The following LAMA2 variants were observed in gnomAD, a reference collection of about 807,000 sequenced individuals.
LAMA2 encodes laminin subunit alpha-2.
LAMA2 carries 269 observed loss-of-function variants against 364.8 expected under a neutral mutation model. That is an observed-to-expected ratio of 0.74 (90% CI 0.67 to 0.82). The LOEUF is 0.82. Among genes scored for constraint, LAMA2 ranks in the 40% least tolerant of loss-of-function variants. LAMA2 has a pLI of 0.00. For synonymous variants in LAMA2, 1,379 were observed against 1,370.6 expected (o/e 1.01, Z -0.14); for missense variants, 3,807 against 3,873.2 (o/e 0.98, Z 0.45).
intron 20 of LAMA2, among the ~76,000 whole-genome samples, chr6:129,296,026 CAT>C (rs1307891973): frequency 6.6e-6 from 1 of 151,718 alleles, no homozygotes; most frequent in East Asian, 1.9e-4. Context: ...TATATAGTTT[CAT>C]ATTTTTGTTT....
chr6:129,280,541 T>A (rs1023067433), intron 18 of LAMA2, among the ~76,000 whole-genome samples: 1 of 152,182 alleles, frequency 6.6e-6, no homozygotes, highest in African/African-American at 2.4e-5. Context: ...GCATAGTTCA[T>A]AGTTCAGCAA....
chr6:129,312,932 T>C lies in LAMA2; in HGVS notation c.3246T>C (p.His1082=). 6.2e-7 allele frequency: 1 copy of C among 1,614,176 alleles called. No individual in the cohort carries two copies. The highest frequency in any genetic ancestry group is 8.5e-7 in the Non-Finnish European group (1 of 1,180,016). The change falls in exon 23 of 65, where the codon CAT becomes CAC. Residue 1082 remains histidine (H), a synonymous_variant. Transcript: ENST00000421865. ...TAAATACAGGCCAATGCAACTGTCA[T>C]CCAAAATTCTCTGGTGCAAAATGTA... ...CNVNTGQCNC[H]PKFSGAKCTE...
In LAMA2 at chr6:129,448,139, T is replaced by C. The variant is rs537071963; in HGVS notation, c.6429+2318T>C. On this transcript the variant is annotated intron_variant, in intron 45 of 64. Coordinates refer to ENST00000421865, the MANE Select transcript of LAMA2 (RefSeq NM_000426.4). ...CACATCTCTACAAAAAATTGAAAAA[T>C]TACCTGGGCATGGTACATGCCTATA... Among the ~76,000 whole-genome samples, 194 of 151,872 alleles carry C rather than the reference T, an allele frequency of 1.3e-3. 1 individual carries two copies. Among genetic ancestry groups the C allele is most frequent in the African/African-American group, 4.4e-3 (182 of 41,412 alleles).
At chr6:129,416,904 G>A (rs1201577685) in intron 40 of LAMA2, among the ~76,000 whole-genome samples, 11 of 152,176 alleles carry the variant, frequency 7.2e-5, no homozygotes, top group Admixed American at 7.2e-4. Flanking sequence ...GGCTCTATGT[G>A]AGGCTGTGGC....
rs1777904599 is a variant in LAMA2, at chr6:128,911,153, G to A, written c.112+27796G>A. ...AGGCAGGCAGGCCTCCTTGAGCTGT[G>A]GTGGGCTACACCCAGTTCGAGCTTC... On this transcript the variant is annotated intron_variant, in intron 1 of 64. Transcript: ENST00000421865. 2.0e-5 allele frequency among the ~76,000 whole-genome samples: 3 copies of A among 152,228 alleles called. No individual in the cohort carries two copies. In the South Asian group the frequency reaches 6.2e-4, roughly 32 times the overall value.
At chr6:128,990,427 G>C (rs910212555) in intron 1 of LAMA2, among the ~76,000 whole-genome samples, 3 of 152,090 alleles carry the variant, frequency 2.0e-5, no homozygotes, top group Non-Finnish European at 4.4e-5. Context: ...CTTCAAATAC[G>C]AATATGCATT....
intron 4 of LAMA2, among the ~76,000 whole-genome samples, chr6:129,106,131 C>T (rs927083328): frequency 6.6e-5 from 10 of 151,846 alleles, no homozygotes; most frequent in African/African-American, 2.2e-4. Context: ...CCTGGAGAAA[C>T]CATCATTAAA....
At chr6:129,471,622 G>A (rs976096404) in intron 51 of LAMA2, among the ~76,000 whole-genome samples, 2 of 151,828 alleles carry the variant, frequency 1.3e-5, no homozygotes, top group Admixed American at 6.6e-5. Context: ...GAATGTATAT[G>A]AAAAAGTCTT....
intron 8 of LAMA2, among the ~76,000 whole-genome samples, chr6:129,162,466 T>G (rs918850432): frequency 2.0e-5 from 3 of 152,132 alleles, no homozygotes; most frequent in African/African-American, 7.2e-5. Flanking sequence ...AACATTTTTT[T>G]TTTGGTAGTG....
chr6:129,166,414 C>A (rs924298301), intron 9 of LAMA2, among the ~76,000 whole-genome samples: 1 of 152,064 alleles, frequency 6.6e-6, no homozygotes, highest in Admixed American at 6.6e-5. Flanking sequence ...GTGTTTTTTT[C>A]CCTAATGACT....
intron 1 of LAMA2, among the ~76,000 whole-genome samples, chr6:129,016,095 G>A (rs188064095): frequency 6.6e-6 from 1 of 152,112 alleles, no homozygotes; most frequent in African/African-American, 2.4e-5. Flanking sequence ...AACAGTTTAA[G>A]GTATCATCTA....
chr6:128,980,069 TA>T, intron 1 of LAMA2, among the ~76,000 whole-genome samples: 1 of 152,180 alleles, frequency 6.6e-6, no homozygotes, highest in East Asian at 1.9e-4. Context: ...AGGTTCATCA[TA>T]GTCAGCAGGG....
chr6:129,424,905 C>A (rs998938453), intron 40 of LAMA2, among the ~76,000 whole-genome samples: 3 of 151,930 alleles, frequency 2.0e-5, no homozygotes, highest in East Asian at 1.9e-4. Flanking sequence ...AATTTGTACA[C>A]AGATGTGTAC....
At chr6:129,131,633 C>G (rs771230032) in intron 4 of LAMA2, among the ~76,000 whole-genome samples, 45 of 152,166 alleles carry the variant, frequency 3.0e-4, no homozygotes, top group African/African-American at 1.1e-3. Flanking sequence ...TGGTGCTGTA[C>G]AGATGTCGAG....
At chr6:128,941,020 T>C (rs1467686189) in intron 1 of LAMA2, among the ~76,000 whole-genome samples, 1 of 152,110 alleles carries the variant, frequency 6.6e-6, no homozygotes, top group Non-Finnish European at 1.5e-5. Flanking sequence ...TGAGAAGAGA[T>C]GTATAGCATT....
At chr6:128,924,040 G>A (rs541317825) in intron 1 of LAMA2, among the ~76,000 whole-genome samples, 4 of 152,196 alleles carry the variant, frequency 2.6e-5, no homozygotes, top group African/African-American at 9.6e-5. Context: ...GAAGTGTAGG[G>A]AACACAAGAA....
intron 3 of LAMA2, among the ~76,000 whole-genome samples, chr6:129,091,595 G>T (rs1304530983): frequency 6.6e-6 from 1 of 152,124 alleles, no homozygotes; most frequent in Non-Finnish European, 1.5e-5. Flanking sequence ...GGATAAGTGG[G>T]TTGCACTTAA....
intron 18 of LAMA2, among the ~76,000 whole-genome samples, chr6:129,281,579 A>G (rs1788719992): frequency 6.6e-6 from 1 of 152,196 alleles, no homozygotes; most frequent in Non-Finnish European, 1.5e-5. Context: ...GGATATAAAT[A>G]GATGCATTTT....
At chr6:129,132,413 G>A (rs1005267709) in intron 4 of LAMA2, among the ~76,000 whole-genome samples, 10 of 152,010 alleles carry the variant, frequency 6.6e-5, no homozygotes, top group African/African-American at 1.9e-4. Context: ...TGATCGGCCC[G>A]CCTCGGCCTC....
Sources: allele counts gnomAD v4.1 joint callset (sites outside exome capture counted in the v4.1 genomes callset), GRCh38; gene constraint gnomAD v4.1.1; transcripts MANE v1.5; gene names NCBI Gene and HGNC (gene_info 2026-07-23, HGNC 2026-07-21).